Variants in ZBTB8A observed in about 807,000 individuals in gnomAD.
The protein encoded by ZBTB8A is zinc finger and BTB domain containing 8A.
A neutral mutation model predicts 37.8 loss-of-function variants in ZBTB8A; 19 were observed. The observed-to-expected ratio is 0.50, with a 90% CI of 0.35 to 0.74. The LOEUF is 0.74. Ranked by LOEUF, ZBTB8A falls within the 30% of genes least tolerant of loss-of-function variation. The pLI, the probability that ZBTB8A is intolerant of heterozygous loss-of-function variation, is 0.01. For missense variants in ZBTB8A, 394 were observed against 537.8 expected (o/e 0.73, Z 2.65); for synonymous variants, 181 against 185.2 (o/e 0.98, Z 0.19).
chr1:32,565,761 T>C (rs1644273761), intron 2 of ZBTB8A, among the ~76,000 whole-genome samples: 1 of 152,214 alleles, frequency 6.6e-6, no homozygotes. Context: ...GAATATTTAT[T>C]CATTCAACAA....
At chr1:32,596,287 G>GCACT (rs1644530925) in intron 4 of ZBTB8A, among the ~76,000 whole-genome samples, 1 of 151,030 alleles carries the variant, frequency 6.6e-6, no homozygotes. Flanking sequence ...GGAGAATGGT[G>GCACT]TGAACCTGGG....
At position 32,605,904 on chromosome 1, in the gene ZBTB8A, T is replaced by C. The variant is rs1644614340; in HGVS notation, c.*5485T>C. ...GTTTTAAAGCTGACGTCATTGTATG[T>C]GGATACATTCTATATGGAATAAATG... On this transcript the variant is annotated 3_prime_UTR_variant, in exon 5 of 5. Transcript: ENST00000373510. 6.6e-6 allele frequency: 1 copy of C among 152,178 alleles called. No individual in the cohort carries two copies. Among genetic ancestry groups the C allele is most frequent in the Non-Finnish European group, 1.5e-5 (1 of 68,034 alleles). 9.4% of individuals were successfully genotyped at this position (152,178 alleles called of 1,614,324 possible).
At chr1:32,540,186 A>C (rs563468618) in intron 1 of ZBTB8A, among the ~76,000 whole-genome samples, 21 of 152,002 alleles carry the variant, frequency 1.4e-4, no homozygotes, top group Non-Finnish European at 3.1e-4. Flanking sequence ...ACGGAACCTT[A>C]CATGCTCATC....
intron 1 of ZBTB8A, among the ~76,000 whole-genome samples, chr1:32,544,419 T>C (rs1426977840): frequency 6.6e-6 from 1 of 152,222 alleles, no homozygotes; most frequent in Non-Finnish European, 1.5e-5. Flanking sequence ...ACAGGAAAGC[T>C]GGGCACAGTG....
intron 2 of ZBTB8A, among the ~76,000 whole-genome samples, chr1:32,585,380 C>T (rs1644440139): frequency 6.6e-6 from 1 of 151,710 alleles, no homozygotes; most frequent in Non-Finnish European, 1.5e-5. Context: ...TGCTACATAC[C>T]AGATTAATAT....
chr1:32,549,696 C>T (rs1384839916), intron 1 of ZBTB8A, among the ~76,000 whole-genome samples: 1 of 152,086 alleles, frequency 6.6e-6, no homozygotes, highest in Non-Finnish European at 1.5e-5. Flanking sequence ...CACCACTGCA[C>T]TTCAGCACTT....
intron 2 of ZBTB8A, among the ~76,000 whole-genome samples, chr1:32,588,515 G>C (rs1353397829): frequency 6.6e-6 from 1 of 152,010 alleles, no homozygotes. Context: ...AGAAGAACCA[G>C]CAAAGGAGAC....
Position 32,601,913 on chromosome 1 carries a change from G to A in ZBTB8A, c.*1494G>A, listed in dbSNP as rs150916415. The stretch of plus-strand genomic sequence containing the variant: ...TGTTTTTATGTCACGTTATTTATAT[G>A]TAAATTTAAAGTATAAAACTATTTG... On this transcript the variant is annotated 3_prime_UTR_variant, in exon 5 of 5. Transcript: ENST00000373510. 334 of 373,800 alleles carry A rather than the reference G, an allele frequency of 8.9e-4. 2 individuals carry two copies. The East Asian group carries it at 0.012, about 14-fold the overall frequency. 23.2% of individuals were successfully genotyped at this position (373,800 alleles called of 1,614,324 possible).
intron 3 of ZBTB8A, 93 bp downstream of exon 3, chr1:32,593,847 A>G: frequency 1.1e-6 from 1 of 932,506 alleles, no homozygotes; most frequent in Admixed American, 2.9e-5. Flanking sequence ...CAGGTGCTCT[A>G]AGCAGTTGAA....
intron 1 of ZBTB8A, among the ~76,000 whole-genome samples, chr1:32,550,085 T>TC (rs1644139493): frequency 6.6e-6 from 1 of 152,144 alleles, no homozygotes; most frequent in African/African-American, 2.4e-5. Context: ...ATGCCGGTCG[T>TC]GGTGGCTCAT....
chr1:32,546,609 C>A (rs1317765365), intron 1 of ZBTB8A, among the ~76,000 whole-genome samples: 1 of 152,152 alleles, frequency 6.6e-6, no homozygotes, highest in East Asian at 1.9e-4. Flanking sequence ...CCACTGCACT[C>A]CAGGCTGGTG....
intron 1 of ZBTB8A, among the ~76,000 whole-genome samples, chr1:32,545,489 G>C (rs1483865266): frequency 1.3e-5 from 2 of 152,162 alleles, no homozygotes; most frequent in Non-Finnish European, 2.9e-5. Context: ...CGAATGCTTA[G>C]AGTTAAGTAA....
intron 1 of ZBTB8A, 111 bp downstream of exon 1, chr1:32,539,683 G>GC: frequency 6.8e-6 from 1 of 146,982 alleles, no homozygotes; most frequent in East Asian, 2.0e-4. Context: ...GCAGTGCTGG[G>GC]ATGCGGGCCC....
intron 2 of ZBTB8A, among the ~76,000 whole-genome samples, chr1:32,562,671 G>C (rs1273287747): frequency 6.8e-6 from 1 of 147,038 alleles, no homozygotes; most frequent in East Asian, 2.0e-4. Flanking sequence ...CCACCTCGCT[G>C]ATTCAAGCGA....
intron 2 of ZBTB8A, among the ~76,000 whole-genome samples, chr1:32,559,745 A>G (rs1258004199): frequency 1.3e-5 from 2 of 152,118 alleles, no homozygotes; most frequent in Non-Finnish European, 2.9e-5. Context: ...GATTACAAGC[A>G]TGAGCCACTA....
chr1:32,563,698 C>G lies in ZBTB8A; in HGVS notation c.-2+10158C>G, dbSNP rs144873043. On this transcript the variant is annotated intron_variant, in intron 2 of 4. Coordinates refer to ENST00000373510, the MANE Select transcript of ZBTB8A (RefSeq NM_001040441.3). The stretch of plus-strand genomic sequence containing the variant: ...ATCTTGGCCAGGCTGGTCTCGAACT[C>G]CTGACCTCGGGTGATCTGCCCACCT... 9.6e-3 allele frequency among the ~76,000 whole-genome samples: 1,459 copies of G among 152,226 alleles called. 10 individuals are homozygous for G. The highest frequency in any genetic ancestry group is 0.016 in the Non-Finnish European group (1,055 of 68,016).
At chr1:32,566,394 G>A (rs781698775) in intron 2 of ZBTB8A, among the ~76,000 whole-genome samples, 9 of 151,628 alleles carry the variant, frequency 5.9e-5, no homozygotes, top group South Asian at 2.1e-4. Context: ...GCATGGTGGC[G>A]CATACCTCTA....
chr1:32,595,165 G>A lies in ZBTB8A; in HGVS notation c.935G>A (p.Cys312Tyr). The change falls in exon 4 of 5, where the codon TGT (cysteine) becomes TAT (tyrosine). Residue 312 changes from cysteine (C) to tyrosine (Y), a missense_variant. This residue lies in a region of ZBTB8A where 42 missense variants were observed against 96.4 expected (regional missense o/e 0.44). Coordinates refer to ENST00000373510, the MANE Select transcript of ZBTB8A (RefSeq NM_001040441.3). The part of the protein sequence containing the change: ...RCHTGERPYP[C>Y]QACGKRFSRL... ...CATACAGGAGAAAGGCCCTATCCATGTCAAGCTTGTGGAAAAAGATTTAGC... is the reference window on the plus strand; with the variant it reads ...CATACAGGAGAAAGGCCCTATCCATATCAAGCTTGTGGAAAAAGATTTAGC... 1 of 1,614,226 alleles carries A rather than the reference G, an allele frequency of 6.2e-7. No individual in the cohort carries two copies. The highest frequency in any genetic ancestry group is 8.5e-7 in the Non-Finnish European group (1 of 1,180,044).
At chr1:32,544,082 C>T (rs1644081545) in intron 1 of ZBTB8A, among the ~76,000 whole-genome samples, 1 of 152,244 alleles carries the variant, frequency 6.6e-6, no homozygotes, top group Non-Finnish European at 1.5e-5. Flanking sequence ...CAGTCCTCTG[C>T]CTCAGTCTCC....
Sources: allele counts gnomAD v4.1 joint callset (sites outside exome capture counted in the v4.1 genomes callset), GRCh38; gene constraint gnomAD v4.1.1; regional missense constraint gnomAD v4.1.1; transcripts MANE v1.5; gene names NCBI Gene and HGNC (gene_info 2026-07-23, HGNC 2026-07-21).